The following POLI variants were observed in gnomAD, a reference collection of about 807,000 sequenced individuals.
POLI encodes RAD30 homolog B.
Under a neutral mutation model 51.6 loss-of-function variants are expected in POLI, and 58 were observed. That is an observed-to-expected ratio of 1.12 (90% CI 0.91 to 1.40). The LOEUF is 1.40. POLI is among the 40% of genes most tolerant of loss of function. The pLI is 0.00. For missense variants in POLI, 921 were observed against 871.3 expected (o/e 1.06, Z -0.72); for synonymous variants, 322 against 299.7 (o/e 1.07, Z -0.77).
In POLI at chr18:54,296,701, T is replaced by G. The variant is rs2088347985; in HGVS notation, c.*2234T>G. ...CTGCATTTTGGGTAATTTCATCAGC[T>G]CTATCTTTCTGTTTACTAGTTCATT... is the stretch of plus-strand genomic sequence containing the variant. On this transcript the variant is annotated 3_prime_UTR_variant, in exon 10 of 10. Transcript: ENST00000579534. 5.5e-6 allele frequency: 1 copy of G among 183,168 alleles called. No homozygotes were observed. Among genetic ancestry groups the G allele is most frequent in the Admixed American group, 6.5e-5 (1 of 15,310 alleles). 11.3% of individuals were successfully genotyped at this position (183,168 alleles called of 1,614,324 possible).
At chr18:54,278,432 C>G (rs1011805701) in intron 4 of POLI, among the ~76,000 whole-genome samples, 5 of 152,144 alleles carry the variant, frequency 3.3e-5, no homozygotes, top group African/African-American at 1.2e-4. Context: ...CTAGATTTGC[C>G]TTTGATGTGT....
Position 54,282,883 on chromosome 18 carries a change from T to C in POLI, c.843T>C (p.Asn281=). 1 of 1,579,746 alleles carries C rather than the reference T, an allele frequency of 6.3e-7. No homozygotes were observed. The highest frequency in any genetic ancestry group is 8.6e-7 in the Non-Finnish European group (1 of 1,160,932). Residue 281 remains asparagine, a synonymous_variant, in exon 6 of 10, where the codon AAT becomes AAC. Coordinates refer to ENST00000579534, the MANE Select transcript of POLI (RefSeq NM_007195.3). ...TAKCLEALGI[N]SVRDLQTFSP... is the part of the protein sequence containing the mutation. The stretch of plus-strand genomic sequence containing the variant: ...AATGTCTTGAAGCACTGGGTATCAA[T>C]AGTGTGCGTGATCTCCAAACCTTTT...
chr18:54,285,653 C>G (rs931191277), intron 7 of POLI, among the ~76,000 whole-genome samples: 1 of 152,000 alleles, frequency 6.6e-6, no homozygotes, highest in African/African-American at 2.4e-5. Flanking sequence ...AATCCATCCT[C>G]TAGGCACTAG....
intron 3 of POLI, among the ~76,000 whole-genome samples, chr18:54,309,802 C>A (rs2088643879): frequency 6.6e-6 from 1 of 152,202 alleles, no homozygotes; most frequent in African/African-American, 2.4e-5. Context: ...TGCCCCTCCC[C>A]CAGCGAGGCA....
At chr18:54,319,256 A>G (rs2088767867) in intron 3 of POLI, among the ~76,000 whole-genome samples, 2 of 152,108 alleles carry the variant, frequency 1.3e-5, no homozygotes, top group African/African-American at 4.8e-5. Context: ...TCCTCTATAA[A>G]TCATATTTTT....
At chr18:54,301,194 A>G (rs1439601147), downstream of POLI, among the ~76,000 whole-genome samples, 1 of 152,100 alleles carries the variant, frequency 6.6e-6, no homozygotes, top group Non-Finnish European at 1.5e-5. Context: ...CAGGAGAATC[A>G]CTTGAACCTG....
At position 54,297,850 on chromosome 18, in the gene POLI, T is replaced by G; in HGVS notation, c.*3383T>G. On this transcript the variant is annotated 3_prime_UTR_variant, in exon 10 of 10. Coordinates refer to ENST00000579534, the MANE Select transcript of POLI (RefSeq NM_007195.3). ...ATTTTATATAGTCAATGTTTATTTT[T>G]TTGATGGGACATGGTGGGGGCTTAC... 7.1e-6 allele frequency: 7 copies of G among 980,182 alleles called. No individual in the cohort carries two copies. The highest frequency in any genetic ancestry group is 8.5e-6 in the Non-Finnish European group (7 of 825,504). 60.7% of individuals were successfully genotyped at this position (980,182 alleles called of 1,614,324 possible). A position where few individuals can be genotyped will look rare whatever the true frequency, so the allele number is the denominator to read the frequency against.
intron 8 of POLI, among the ~76,000 whole-genome samples, chr18:54,289,383 G>C (rs1248435952): frequency 6.6e-6 from 1 of 151,794 alleles, no homozygotes; most frequent in Non-Finnish European, 1.5e-5. Context: ...AAAAAATTTA[G>C]GCCATTTTCC....
At chr18:54,291,136 C>T (rs1202557942) in intron 8 of POLI, among the ~76,000 whole-genome samples, 1 of 152,158 alleles carries the variant, frequency 6.6e-6, no homozygotes, top group Non-Finnish European at 1.5e-5. Context: ...GCCTCCTAGT[C>T]AACTAGGGTT....
intron 3 of POLI, among the ~76,000 whole-genome samples, chr18:54,312,976 T>G (rs149672926): frequency 6.6e-6 from 1 of 152,148 alleles, no homozygotes; most frequent in Non-Finnish European, 1.5e-5. Context: ...CTTGTCAATT[T>G]TTGTTTTCAT....
chr18:54,295,775 G>A lies in POLI; in HGVS notation c.*1308G>A, dbSNP rs944582435. The A allele has an allele frequency of 5.1e-6, 1 of 196,030 alleles. No individual in the cohort carries two copies. Among genetic ancestry groups the A allele is most frequent in the African/African-American group, 2.4e-5 (1 of 42,204 alleles). The allele number at this position is 196,030 out of a possible 1,614,324, so 12.1% of individuals were successfully genotyped here. A position where few individuals can be genotyped will look rare whatever the true frequency, so the allele number is the denominator to read the frequency against. On this transcript the variant is annotated 3_prime_UTR_variant, in exon 10 of 10. Transcript: ENST00000579534. ...CCTGAGTAGCTGGGATTACACGCAT[G>A]CCCTACCACACCCAGCAAATTTTTG...
At chr18:54,293,523 C>T in intron 9 of POLI, 126 bp from the exon 10 acceptor site, 1 of 623,972 alleles carries the variant, frequency 1.6e-6, no homozygotes, top group Non-Finnish European at 2.7e-6. Flanking sequence ...TGGAACTGGC[C>T]ACAAAGAGTT....
rs1245371527 is a variant in POLI, at chr18:54,296,132, CT to C, written c.*1667del. ...TGAGTATTCCAGTAAGGTAATTAAA[CT>C]TATGAAAAGGGTATATAACTTTTTG... is the stretch of plus-strand genomic sequence containing the variant. On this transcript the variant is annotated 3_prime_UTR_variant, in exon 10 of 10. Transcript: ENST00000579534. 2 of 982,240 alleles carry C rather than the reference CT, an allele frequency of 2.0e-6. No homozygotes were observed. Among genetic ancestry groups the C allele is most frequent in the Non-Finnish European group, 2.4e-6 (2 of 827,250 alleles). The allele number at this position is 982,240 out of a possible 1,614,324, so 60.8% of individuals were successfully genotyped here. A position where few individuals can be genotyped will look rare whatever the true frequency, so the allele number is the denominator to read the frequency against.
Position 54,277,842 on chromosome 18 carries a change from A to G in POLI, c.546A>G (p.Val182=). 1.2e-6 allele frequency: 2 copies of G among 1,611,784 alleles called. No homozygotes were observed. Among genetic ancestry groups the G allele is most frequent in the Non-Finnish European group, 1.7e-6 (2 of 1,178,522 alleles). The change falls in exon 4 of 10, where the codon GTA becomes GTG. Residue 182 remains valine (V), a synonymous_variant. Transcript: ENST00000579534. ...CTGCGGTGACTGTGTCGGGTCATGT[A>G]TACAATAATCAGTGTGAGTGGGTTC... ...ELSAVTVSGH[V]YNNQSINLLD...
chr18:54,279,079 A>T (rs2087377421), intron 4 of POLI, among the ~76,000 whole-genome samples: 1 of 151,820 alleles, frequency 6.6e-6, no homozygotes. Context: ...CTTGGATTTT[A>T]TTGGTTAGAG....
intron 8 of POLI, chr18:54,291,550 T>A (rs942381996): frequency 1.4e-5 from 3 of 218,886 alleles, no homozygotes; most frequent in African/African-American, 4.7e-5. Context: ...CATTTCCAGA[T>A]TTCCACCAAA....
intron 3 of POLI, among the ~76,000 whole-genome samples, chr18:54,308,488 G>A (rs986056780): frequency 6.6e-6 from 1 of 152,184 alleles, no homozygotes; most frequent in African/African-American, 2.4e-5. Context: ...TGGGTAACCC[G>A]AGCTTTCTCT....
chr18:54,304,854 G>A (rs1444550798), intron 3 of POLI, among the ~76,000 whole-genome samples: 1 of 152,170 alleles, frequency 6.6e-6, no homozygotes, highest in Non-Finnish European at 1.5e-5. Flanking sequence ...TGTCCTGAAT[G>A]ATATTGCCTA....
At chr18:54,273,019 C>T (rs1466278066) in intron 2 of POLI, among the ~76,000 whole-genome samples, 2 of 143,790 alleles carry the variant, frequency 1.4e-5, no homozygotes, top group Non-Finnish European at 2.9e-5. Flanking sequence ...GTGGACATAA[C>T]CTTTTTTTTC....
Sources: allele counts gnomAD v4.1 joint callset (sites outside exome capture counted in the v4.1 genomes callset), GRCh38; gene constraint gnomAD v4.1.1; transcripts MANE v1.5; gene names NCBI Gene and HGNC (gene_info 2026-07-23, HGNC 2026-07-21).